COL5A3: variants seen among roughly 807,000 people sequenced by gnomAD.
The protein encoded by COL5A3 is collagen type V alpha 3 chain, also known as collagen alpha-3(V) chain.
In COL5A3, 172 loss-of-function variants were observed where a neutral mutation model predicts 250.0. That is an observed-to-expected ratio of 0.69 (90% CI 0.61 to 0.78). COL5A3 has a LOEUF of 0.78. Among genes scored for constraint, COL5A3 ranks in the 30% least tolerant of loss-of-function variants. The probability of loss-of-function intolerance (pLI) is 0.00; values close to 1 mark genes in which losing one functional copy is unlikely to be tolerated. For synonymous variants in COL5A3, 937 were observed against 900.4 expected, an observed-to-expected ratio of 1.04 and a Z score of -0.73; for missense variants, 2,340 against 2,334.4, an observed-to-expected ratio of 1.00 and a Z score of -0.05.
intron 55 of COL5A3, 41 bp from the exon 56 acceptor site, chr19:9,969,723 G>A: frequency 6.3e-7 from 1 of 1,583,962 alleles, no homozygotes; most frequent in Non-Finnish European, 8.6e-7. Context: ...GAGTCAGAGG[G>A]TTCCTGCCTC....
At chr19:9,982,259 C>T in intron 31 of COL5A3, 141 bp from the exon 32 acceptor site, 1 of 592,238 alleles carries the variant, frequency 1.7e-6, no homozygotes, top group East Asian at 3.2e-5. Flanking sequence ...CAGCCTCCTA[C>T]AAGGCAGCCC....
intron 37 of COL5A3, 56 bp from the exon 38 acceptor site, chr19:9,979,473 C>T: frequency 6.3e-7 from 1 of 1,576,198 alleles, no homozygotes; most frequent in Non-Finnish European, 8.7e-7. Context: ...GATGGAGGAG[C>T]AGGAGACAGG....
At position 9,968,939 on chromosome 19, in the gene COL5A3, T is replaced by G; in HGVS notation, c.4153-211A>C. The G allele has an allele frequency of 1.6e-6, 1 of 631,516 alleles. No homozygotes were observed. The highest frequency in any genetic ancestry group is 2.8e-6 in the Non-Finnish European group (1 of 357,924). 39.1% of individuals were successfully genotyped at this position (631,516 alleles called of 1,614,324 possible). ...GAGGATGGACAACGTGAGTGGTCAG[T>G]GGCCAAGGTCAGCGTGGGTGATCAG... is the stretch of plus-strand genomic sequence containing the variant. On this transcript the variant is annotated intron_variant, in intron 57 of 66. Coordinates refer to ENST00000264828, the MANE Select transcript of COL5A3 (RefSeq NM_015719.4). This position sits in a 1 kb window ranked among gnomAD's most constrained non-coding sequence, Gnocchi z 4.1.
rs1174537265 is a variant in COL5A3, at chr19:9,966,582, G to T, written c.4623C>A (p.Gly1541=). 7.1e-6 allele frequency: 11 copies of T among 1,541,770 alleles called. No individual in the cohort carries two copies. ...TGCGGTGCAGCTCGTGGCACACGAG[G>T]CCCGGGCGCTCCGCAGTGCCGGGAG... is the stretch of plus-strand genomic sequence containing the variant. ...RRPPGTAERP[G]LVCHELHRNH... Residue 1541 remains glycine (G), a synonymous_variant, in exon 63 of 67, where the codon GGC becomes GGA. Coordinates refer to ENST00000264828, the MANE Select transcript of COL5A3 (RefSeq NM_015719.4).
At chr19:9,969,496 C>A in intron 56 of COL5A3, 79 bp downstream of exon 56, 4 of 1,592,162 alleles carry the variant, frequency 2.5e-6, no homozygotes, top group Non-Finnish European at 3.4e-6. Context: ...CCCCTCCAAA[C>A]GGTGATGGGA....
chr19:9,988,869 A>G (rs1452960542), intron 27 of COL5A3, among the ~76,000 whole-genome samples: 2 of 132,024 alleles, frequency 1.5e-5, no homozygotes, highest in East Asian at 4.3e-4. Flanking sequence ...GAAAGTAAAG[A>G]AAAGAAAAGG....
Position 9,980,213 on chromosome 19 carries a change from C to G in COL5A3, c.2605-166G>C, listed in dbSNP as rs183078609. Among the ~76,000 whole-genome samples, 3 of 152,324 alleles carry G rather than the reference C, an allele frequency of 2.0e-5. No homozygotes were observed. The East Asian group carries it at 5.8e-4, about 29-fold the overall frequency. ...AGTCATTTTATTCACCACTGTAGCCCTTTGGGTTGGAGACTGAGGTTACTC... is the reference window on the plus strand; with the variant it reads ...AGTCATTTTATTCACCACTGTAGCCGTTTGGGTTGGAGACTGAGGTTACTC... On this transcript the variant is annotated intron_variant, in intron 35 of 66. Coordinates refer to ENST00000264828, the MANE Select transcript of COL5A3 (RefSeq NM_015719.4).
Position 9,980,692 on chromosome 19 carries a change from C to T in COL5A3, c.2560G>A (p.Gly854Ser). 6.2e-7 allele frequency: 1 copy of T among 1,614,060 alleles called. No individual in the cohort carries two copies. The highest frequency in any genetic ancestry group is 8.5e-7 in the Non-Finnish European group (1 of 1,179,992). ...GGGGCTCCATCCTGGCCCACATCGCCCTAGGACAGAGTGAATGAGACTCAG... is the reference window on the plus strand; with the variant it reads ...GGGGCTCCATCCTGGCCCACATCGCTCTAGGACAGAGTGAATGAGACTCAG... Reference protein sequence around the residue: ...PGATGQPGPKGDVGQDGAPGI... With the variant: ...PGATGQPGPKSDVGQDGAPGI... Residue 854 changes from glycine to serine, a missense_variant and splice_region_variant, in exon 35 of 67, where the codon GGC becomes AGC. Physicochemically the swap from Gly to Ser is moderately conservative, Grantham distance 56 (BLOSUM62 0). Around this residue, in one of 3 missense-constraint regions of COL5A3, gnomAD observed 1,152 missense variants for 1,146.3 expected, o/e 1.00. Coordinates refer to ENST00000264828, the MANE Select transcript of COL5A3 (RefSeq NM_015719.4).
Position 9,962,818 on chromosome 19 carries a change from CCTT to C in COL5A3, c.4849_4851del (p.Lys1617del), listed in dbSNP as rs745622461. ...TCCCCATCTCGGCCTCGGTGACTCACCTTCTTCCCTCGACGGAATGTGCTATAC... is the reference window on the plus strand; with the variant it reads ...TCCCCATCTCGGCCTCGGTGACTCACCTTCCCTCGACGGAATGTGCTATAC... On this transcript the variant is annotated inframe_deletion and splice_region_variant, in exon 65 of 67. Coordinates refer to ENST00000264828, the MANE Select transcript of COL5A3 (RefSeq NM_015719.4). The C allele has an allele frequency of 7.5e-6, 12 of 1,609,096 alleles. No individual in the cohort carries two copies. In the Admixed American group the frequency reaches 1.7e-4, roughly 23 times the overall value.
rs751434256 is a variant in COL5A3 at position 9,989,297 on chromosome 19, C to A, written c.2091+25G>T. Reference sequence around the variant, plus strand: ...CTGCCTCCCGACCCTCGTCCCCAACCCAGCCTAACCTCCTGGTCACTCACC... The same window carrying A: ...CTGCCTCCCGACCCTCGTCCCCAACACAGCCTAACCTCCTGGTCACTCACC... On this transcript the variant is annotated intron_variant, in intron 26 of 66. Transcript: ENST00000264828. The A allele has an allele frequency of 1.1e-5, 18 of 1,614,178 alleles. 1 individual carries two copies. In the South Asian group the frequency reaches 1.8e-4, roughly 16 times the overall value.
In COL5A3 at chr19:10,004,085, G is replaced by T; in HGVS notation, c.655C>A (p.Arg219=). ...AGGTTGTCACAGTCGGGGAGGTACC[G>T]CTCACAAGCCTGGAAGGCAGCCTGA... The part of the protein sequence containing the change: ...DPQAAFQACE[R]YLPDCDNLAP... The change falls in exon 5 of 67, where the codon CGG becomes AGG. Residue 219 remains arginine (R), a synonymous_variant. Transcript: ENST00000264828. 1 of 1,614,008 alleles carries T rather than the reference G, an allele frequency of 6.2e-7. No homozygotes were observed. The highest frequency in any genetic ancestry group is 8.5e-7 in the Non-Finnish European group (1 of 1,179,926).
Position 9,966,655 on chromosome 19 carries a change from A to G in COL5A3, c.4550T>C (p.Leu1517Pro). ...PVVEGGLEEV[L>P]ASLTSLSLEL... ...CAAGCTCAGCGATGTGAGCGAGGCC[A>G]GCACCTCCTCCAGGCCGCCCTCCAC... Residue 1517 changes from leucine to proline, a missense_variant, in exon 63 of 67, where the codon CTG becomes CCG. Leu to Pro is a moderately conservative substitution (Grantham distance 98). Transcript: ENST00000264828. 1 of 1,538,286 alleles carries G rather than the reference A, an allele frequency of 6.5e-7. No individual in the cohort carries two copies. Among genetic ancestry groups the G allele is most frequent in the South Asian group, 1.2e-5 (1 of 84,094 alleles).
At chr19:9,974,008 G>A in intron 47 of COL5A3, 36 bp from the exon 48 acceptor site, 2 of 1,526,852 alleles carry the variant, frequency 1.3e-6, no homozygotes, top group East Asian at 2.3e-5. Context: ...AGTGACCCCA[G>A]GCCCCTCTCC....
chr19:9,971,085 A>C lies in COL5A3; in HGVS notation c.3829-57T>G, dbSNP rs538474398. Reference sequence around the variant, plus strand: ...TGATGAGGGTACGTGAGAATTTGGGATGGGGCTGGGAGGCAAAAGAACGTT... The same window carrying C: ...TGATGAGGGTACGTGAGAATTTGGGCTGGGGCTGGGAGGCAAAAGAACGTT... On this transcript the variant is annotated intron_variant, in intron 52 of 66. Coordinates refer to ENST00000264828, the MANE Select transcript of COL5A3 (RefSeq NM_015719.4). The C allele has an allele frequency of 3.3e-5, 48 of 1,463,184 alleles. No individual in the cohort carries two copies. In the East Asian group the frequency reaches 8.5e-4, roughly 26 times the overall value. 90.6% of individuals were successfully genotyped at this position (1,463,184 alleles called of 1,614,324 possible). A position where few individuals can be genotyped will look rare whatever the true frequency, so the allele number is the denominator to read the frequency against.
At chr19:9,976,448 AG>A in intron 45 of COL5A3, 109 bp downstream of exon 45, 1 of 760,220 alleles carries the variant, frequency 1.3e-6, no homozygotes, top group Non-Finnish European at 2.1e-6. Flanking sequence ...AGGGAAGATC[AG>A]GGTTGGGTTT....
intron 31 of COL5A3, among the ~76,000 whole-genome samples, chr19:9,985,015 C>G (rs1179203337): frequency 7.6e-6 from 1 of 132,094 alleles, no homozygotes; most frequent in Non-Finnish European, 1.5e-5. Flanking sequence ...GTGGTGAGAT[C>G]TTGGCTCACT....
intron 31 of COL5A3, 31 bp downstream of exon 31, chr19:9,985,811 C>T (rs114462238): frequency 5.0e-6 from 8 of 1,597,520 alleles, no homozygotes; most frequent in African/African-American, 1.3e-5. Context: ...CTGCCCATAT[C>T]CATCTCCACC....
chr19:10,004,934 A>G (rs889984113), intron 4 of COL5A3, among the ~76,000 whole-genome samples: 2 of 152,176 alleles, frequency 1.3e-5, no homozygotes, highest in Non-Finnish European at 2.9e-5. Flanking sequence ...ACAACAAGCC[A>G]AGTAGGCGCT....
intron 21 of COL5A3, 87 bp from the exon 22 acceptor site, chr19:9,992,135 G>T: frequency 8.4e-7 from 1 of 1,187,578 alleles, no homozygotes; most frequent in Non-Finnish European, 1.2e-6. Context: ...GTGGAAAGGT[G>T]AGCAGGGCCG....
Sources: gnomAD v4.1 joint callset for allele counts (sites outside exome capture counted in the v4.1 genomes callset) on GRCh38, gnomAD v4.1.1 for gene constraint, gnomAD v4.1.1 regional missense constraint, Gnocchi (gnomAD v3.1) non-coding constraint, MANE v1.5 for transcripts, NCBI Gene and HGNC (gene_info 2026-07-23, HGNC 2026-07-21) for gene names.